The following SRRM4 variants were observed in gnomAD, a reference collection of about 807,000 sequenced individuals.
SRRM4 encodes the protein serine/arginine repetitive matrix 4, also known as serine/arginine repetitive matrix protein 4.
A neutral mutation model predicts 68.9 loss-of-function variants in SRRM4; 33 were observed. That is an observed-to-expected ratio of 0.48 (90% CI 0.36 to 0.64). SRRM4 has a LOEUF of 0.64. Ranked by LOEUF, SRRM4 falls within the 30% of genes least tolerant of loss-of-function variation. The probability of loss-of-function intolerance (pLI) is 0.00; values close to 1 mark genes in which losing one functional copy is unlikely to be tolerated. For synonymous variants in SRRM4, 318 were observed against 318.8 expected (o/e 1.00, Z 0.03); for missense variants, 817 against 827.1 (o/e 0.99, Z 0.15).
chr12:119,083,589 G>A (rs1953962547), intron 1 of SRRM4, among the ~76,000 whole-genome samples: 1 of 152,014 alleles, frequency 6.6e-6, no homozygotes, highest in Admixed American at 6.5e-5. Context: ...CCTTCCCAAT[G>A]TCCTTACCAG....
chr12:119,141,827 G>A (rs975538832), intron 8 of SRRM4, among the ~76,000 whole-genome samples: 4 of 152,198 alleles, frequency 2.6e-5, no homozygotes, highest in African/African-American at 9.7e-5. Flanking sequence ...CAGGGCTGTG[G>A]CAAACAAATG....
At chr12:119,149,627 G>A (rs1439560176) in intron 9 of SRRM4, among the ~76,000 whole-genome samples, 1 of 152,180 alleles carries the variant, frequency 6.6e-6, no homozygotes, top group African/African-American at 2.4e-5. Flanking sequence ...TCAAGCTAAA[G>A]CCAGAATCAT....
At chr12:119,040,330 TC>T (rs1953658547) in intron 1 of SRRM4, among the ~76,000 whole-genome samples, 1 of 152,134 alleles carries the variant, frequency 6.6e-6, no homozygotes, top group African/African-American at 2.4e-5. Flanking sequence ...ATATTTGTTG[TC>T]TGTTATCCCC....
At chr12:119,002,388 G>C (rs1012732175) in intron 1 of SRRM4, among the ~76,000 whole-genome samples, 6 of 152,034 alleles carry the variant, frequency 3.9e-5, no homozygotes, top group Admixed American at 3.9e-4. Flanking sequence ...CTAGGCACTT[G>C]GTATATGAAG....
intron 1 of SRRM4, among the ~76,000 whole-genome samples, chr12:119,027,804 C>T (rs1565892393): frequency 6.6e-6 from 1 of 152,190 alleles, no homozygotes; most frequent in Non-Finnish European, 1.5e-5. Context: ...TATGAACCCT[C>T]CCGAGACCAC....
Position 119,157,731 on chromosome 12 carries a change from G to C in SRRM4, c.*933G>C, listed in dbSNP as rs1954483279. 1 of 152,430 alleles carries C rather than the reference G, an allele frequency of 6.6e-6. No individual in the cohort carries two copies. The highest frequency in any genetic ancestry group is 2.1e-4 in the South Asian group (1 of 4,830). The allele number at this position is 152,430 out of a possible 1,614,324, so 9.4% of individuals were successfully genotyped here. ...ACATTCCCCAGTGCCATGGCCAGTT[G>C]CCAGGCCCCAGCGCCAGCCAGTCTG... is the stretch of plus-strand genomic sequence containing the variant. On this transcript the variant is annotated 3_prime_UTR_variant, in exon 13 of 13. Transcript: ENST00000267260. This position sits in a 1 kb window ranked among gnomAD's most constrained non-coding sequence, Gnocchi z 4.1.
intron 1 of SRRM4, among the ~76,000 whole-genome samples, chr12:119,040,066 G>A (rs1953656387): frequency 6.6e-6 from 1 of 152,124 alleles, no homozygotes; most frequent in Non-Finnish European, 1.5e-5. Context: ...TATGGAGAAA[G>A]AGTGGATAGA....
At chr12:119,026,709 C>A (rs184694355) in intron 1 of SRRM4, among the ~76,000 whole-genome samples, 1 of 152,046 alleles carries the variant, frequency 6.6e-6, no homozygotes, top group South Asian at 2.1e-4. Context: ...CCACCTCACC[C>A]GGCTAATTTT....
chr12:119,151,012 T>A lies in SRRM4; in HGVS notation c.1077-5T>A, dbSNP rs769704404. 6.2e-7 allele frequency: 1 copy of A among 1,613,724 alleles called. No individual in the cohort carries two copies. The highest frequency in any genetic ancestry group is 8.5e-7 in the Non-Finnish European group (1 of 1,179,764). ...CGGTGCTCATGGACATTTTCCCACCTGCAGGGGATTTCAGTCACCGTGTCT... is the reference window on the plus strand; with the variant it reads ...CGGTGCTCATGGACATTTTCCCACCAGCAGGGGATTTCAGTCACCGTGTCT... On this transcript the variant is annotated splice_region_variant and splice_polypyrimidine_tract_variant and intron_variant, in intron 9 of 12. Transcript: ENST00000267260.
At chr12:119,045,557 A>C (rs1197484395) in intron 1 of SRRM4, among the ~76,000 whole-genome samples, 2 of 145,236 alleles carry the variant, frequency 1.4e-5, no homozygotes, top group Non-Finnish European at 3.0e-5. Flanking sequence ...TACAGAAGCC[A>C]ACTCCATGTG....
intron 1 of SRRM4, among the ~76,000 whole-genome samples, chr12:119,030,277 A>C (rs1049183558): frequency 5.9e-5 from 9 of 152,208 alleles, no homozygotes; most frequent in Non-Finnish European, 1.5e-5. Flanking sequence ...CCTCCCCACA[A>C]GGGAGGATAA....
At position 119,009,956 on chromosome 12, in the gene SRRM4, C is replaced by T. The variant is rs551140245; in HGVS notation, c.131+27943C>T. Among the ~76,000 whole-genome samples the T allele has an allele frequency of 6.7e-4, 102 of 152,318 alleles. No individual in the cohort carries two copies. In the Middle Eastern group the frequency reaches 0.01, roughly 15 times the overall value. ...ATTCCCTAGCTGATGTTCTTTACTG[C>T]TGTAACTGGATCCCATAATATTCCA... On this transcript the variant is annotated intron_variant, in intron 1 of 12. Transcript: ENST00000267260.
intron 1 of SRRM4, among the ~76,000 whole-genome samples, chr12:119,100,486 C>T (rs4767778): frequency 0.079 from 11,948 of 151,288 alleles, 525 homozygotes; most frequent in African/African-American, 0.1. Flanking sequence ...TGAGACTCTG[C>T]CTCAAAAAAA....
chr12:119,114,322 GAAAGAAGAA>G lies in SRRM4; in HGVS notation c.334_342del (p.Lys112_Lys114del). On this transcript the variant is annotated inframe_deletion, in exon 3 of 13. Transcript: ENST00000267260. ...TTGACACCACCACCTTCCTCCAGGGGAAAGAAGAAAAAGAAGAAATCCACTCGGAAGAAG... is the reference window on the plus strand; with the variant it reads ...TTGACACCACCACCTTCCTCCAGGGGAAAGAAGAAATCCACTCGGAAGAAG... 6.2e-7 allele frequency: 1 copy of G among 1,611,892 alleles called. No individual in the cohort carries two copies. The highest frequency in any genetic ancestry group is 8.5e-7 in the Non-Finnish European group (1 of 1,179,058).
chr12:119,061,176 A>G (rs1219293311), intron 1 of SRRM4, among the ~76,000 whole-genome samples: 1 of 152,214 alleles, frequency 6.6e-6, no homozygotes, highest in Non-Finnish European at 1.5e-5. Context: ...AACAATCGCC[A>G]CCCTGTCAAG....
chr12:119,007,428 T>C (rs989612051), intron 1 of SRRM4, among the ~76,000 whole-genome samples: 3 of 152,164 alleles, frequency 2.0e-5, no homozygotes, highest in African/African-American at 7.2e-5. Context: ...TCTCTCCCCC[T>C]CTCTTTCCCT....
intron 1 of SRRM4, among the ~76,000 whole-genome samples, chr12:119,072,210 G>C (rs563480736): frequency 6.6e-6 from 1 of 152,266 alleles, no homozygotes; most frequent in East Asian, 1.9e-4. Context: ...GTTCTGTCTG[G>C]CCATCCTATT....
chr12:119,146,883 C>T (rs1238001298), intron 9 of SRRM4, among the ~76,000 whole-genome samples: 1 of 151,826 alleles, frequency 6.6e-6, no homozygotes, highest in African/African-American at 2.4e-5. Flanking sequence ...TTGCAGTGAG[C>T]CGAGATTGCG....
intron 1 of SRRM4, among the ~76,000 whole-genome samples, chr12:119,090,252 G>T (rs893261685): frequency 6.6e-6 from 1 of 152,084 alleles, no homozygotes; most frequent in African/African-American, 2.4e-5. Context: ...GTTTGATAGA[G>T]GAAAACATGG....
Sources: allele counts gnomAD v4.1 joint callset (sites outside exome capture counted in the v4.1 genomes callset), GRCh38; gene constraint gnomAD v4.1.1; non-coding constraint Gnocchi (gnomAD v3.1); transcripts MANE v1.5; gene names NCBI Gene and HGNC (gene_info 2026-07-23, HGNC 2026-07-21).